F13B: variants seen among roughly 807,000 people sequenced by gnomAD.
The protein encoded by F13B is TGase.
A neutral mutation model predicts 79.8 loss-of-function variants in F13B; 58 were observed. The observed-to-expected ratio is 0.73, with a 90% CI of 0.59 to 0.90. The LOEUF (loss-of-function observed/expected upper bound fraction) is 0.90. Ranked by LOEUF, F13B falls within the 40% of genes least tolerant of loss-of-function variation. F13B has a pLI of 0.00. For missense variants in F13B, 773 were observed against 777.0 expected, an observed-to-expected ratio of 0.99 and a Z score of 0.06; for synonymous variants, 283 against 260.3, an observed-to-expected ratio of 1.09 and a Z score of -0.84.
chr1:197,053,153 A>G (rs1488713775), intron 8 of F13B, among the ~76,000 whole-genome samples: 2 of 152,144 alleles, frequency 1.3e-5, no homozygotes, highest in Non-Finnish European at 2.9e-5. Context: ...AGAAAATAAT[A>G]GAAAACCTGC....
At chr1:197,040,223 T>C (rs1173358110) in intron 11 of F13B, 1 of 324,010 alleles carries the variant, frequency 3.1e-6, no homozygotes, top group East Asian at 7.2e-5. Context: ...ACAGAACATA[T>C]AGGTTAATTT....
intron 1 of F13B, 144 bp from the exon 2 acceptor site, chr1:197,063,201 T>G (rs1571571269): frequency 1.4e-6 from 1 of 690,296 alleles, no homozygotes; most frequent in Non-Finnish European, 2.5e-6. Context: ...AAGGTACTTT[T>G]GTGACAACTC....
intron 9 of F13B, among the ~76,000 whole-genome samples, chr1:197,052,356 C>T (rs1422700394): frequency 6.6e-6 from 1 of 152,022 alleles, no homozygotes; most frequent in African/African-American, 2.4e-5. Context: ...TTGTGGAAGA[C>T]AGTGTGGTGA....
intron 2 of F13B, among the ~76,000 whole-genome samples, 171 bp from the exon 3 acceptor site, chr1:197,062,140 TA>T (rs1655886801): frequency 6.6e-6 from 1 of 152,152 alleles, no homozygotes; most frequent in Non-Finnish European, 1.5e-5. Context: ...TTGTATTTAC[TA>T]ATTTTAGTTC....
intron 10 of F13B, among the ~76,000 whole-genome samples, chr1:197,043,749 C>T (rs1003556487): frequency 1.3e-5 from 2 of 151,702 alleles, no homozygotes; most frequent in Non-Finnish European, 2.9e-5. Flanking sequence ...CAAAAAATTA[C>T]TACAGTGAAA....
chr1:197,044,105 G>A (rs948794214), intron 10 of F13B, among the ~76,000 whole-genome samples: 2 of 151,822 alleles, frequency 1.3e-5, no homozygotes, highest in Non-Finnish European at 2.9e-5. Flanking sequence ...GGAGAGATTT[G>A]TTTCTGATTT....
chr1:197,065,308 C>T (rs2125076344), intron 1 of F13B, among the ~76,000 whole-genome samples: 1 of 152,122 alleles, frequency 6.6e-6, no homozygotes, highest in African/African-American at 2.4e-5. Flanking sequence ...GTTAAGGTAG[C>T]TGGAATGCCT....
chr1:197,049,152 T>C (rs1655349533), intron 10 of F13B, among the ~76,000 whole-genome samples: 1 of 151,992 alleles, frequency 6.6e-6, no homozygotes, highest in East Asian at 1.9e-4. Flanking sequence ...TAAATTCATG[T>C]ATTAGAAAAA....
chr1:197,055,669 C>A (rs935139926), intron 8 of F13B, 46 bp downstream of exon 8: 7 of 1,579,146 alleles, frequency 4.4e-6, no homozygotes, highest in Non-Finnish European at 5.2e-6. Flanking sequence ...GTAAGAAAAT[C>A]ACATAAAAGT....
At chr1:197,046,886 A>G (rs1280368738) in intron 10 of F13B, among the ~76,000 whole-genome samples, 1 of 152,158 alleles carries the variant, frequency 6.6e-6, no homozygotes, top group Non-Finnish European at 1.5e-5. Context: ...TGTTTGACAA[A>G]CCTGACAAAA....
intron 10 of F13B, among the ~76,000 whole-genome samples, chr1:197,045,066 A>G (rs1655178748): frequency 6.6e-6 from 1 of 152,302 alleles, no homozygotes; most frequent in Non-Finnish European, 1.5e-5. Flanking sequence ...GGAAAGATCT[A>G]AAATCGACAC....
intron 10 of F13B, among the ~76,000 whole-genome samples, chr1:197,049,290 A>G (rs1168230212): frequency 2.0e-5 from 3 of 152,072 alleles, no homozygotes; most frequent in Non-Finnish European, 4.4e-5. Context: ...TAAAATAGAA[A>G]GCAAAATTTG....
chr1:197,065,807 T>G (rs185793456), intron 1 of F13B, among the ~76,000 whole-genome samples: 22 of 152,232 alleles, frequency 1.4e-4, no homozygotes, highest in Admixed American at 1.2e-3. Context: ...GGAAATGGAC[T>G]TCAAGATTAG....
At chr1:197,049,420 A>G (rs1314335719) in intron 10 of F13B, among the ~76,000 whole-genome samples, 2 of 152,104 alleles carry the variant, frequency 1.3e-5, no homozygotes, top group Non-Finnish European at 2.9e-5. Context: ...ATACATCAAT[A>G]AAAACATCAA....
At chr1:197,055,242 T>C (rs1335348356) in intron 8 of F13B, among the ~76,000 whole-genome samples, 8 of 152,050 alleles carry the variant, frequency 5.3e-5, no homozygotes, top group Non-Finnish European at 1.0e-4. Flanking sequence ...GTAACAAACG[T>C]GTCCATTCAG....
At chr1:197,041,434 AAAATATC>A (rs1655034343) in intron 10 of F13B, among the ~76,000 whole-genome samples, 1 of 152,206 alleles carries the variant, frequency 6.6e-6, no homozygotes. Context: ...TAATATTTCT[AAAATATC>A]AAATATCAAA....
chr1:197,050,966 C>A (rs868519570), intron 9 of F13B, 87 bp from the exon 10 acceptor site: 44 of 1,158,204 alleles, frequency 3.8e-5, no homozygotes, highest in Middle Eastern at 5.3e-4. Context: ...GAGTCTCCCT[C>A]TGTCACCCAG....
chr1:197,064,297 AAAAGCACATATTTGT>A (rs1014437172), intron 1 of F13B, among the ~76,000 whole-genome samples: 21 of 152,210 alleles, frequency 1.4e-4, no homozygotes, highest in Non-Finnish European at 2.8e-4. Context: ...ACCCAATAAA[AAAAGCACATATTTGT>A]ATACCAAAAG....
In F13B at chr1:197,039,123, A is replaced by T. The variant is rs1654945603; in HGVS notation, c.*255T>A. 2.3e-6 allele frequency: 1 copy of T among 431,544 alleles called. No individual in the cohort carries two copies. Among genetic ancestry groups the T allele is most frequent in the African/African-American group, 2.0e-5 (1 of 50,032 alleles). The allele number at this position is 431,544 out of a possible 1,614,324, so 26.7% of individuals were successfully genotyped here. A position where few individuals can be genotyped will look rare whatever the true frequency, so the allele number is the denominator to read the frequency against. ...TCAATGGGCATTAGGAAATGAAAAT[A>T]TGATGTGTAGATTAATTTGTAACAG... On this transcript the variant is annotated 3_prime_UTR_variant, in exon 12 of 12. Transcript: ENST00000367412.
Sources: allele counts gnomAD v4.1 joint callset (sites outside exome capture counted in the v4.1 genomes callset), GRCh38; gene constraint gnomAD v4.1.1; transcripts MANE v1.5; gene names NCBI Gene and HGNC (gene_info 2026-07-23, HGNC 2026-07-21).